The following NCKAP5 variants were observed in gnomAD, a reference collection of about 807,000 sequenced individuals.
The protein encoded by NCKAP5 is nck-associated protein 5.
A neutral mutation model predicts 167.0 loss-of-function variants in NCKAP5; 92 were observed. The observed-to-expected ratio is 0.55, with a 90% CI of 0.47 to 0.66. The LOEUF is 0.66. Among genes scored for constraint, NCKAP5 ranks in the 30% least tolerant of loss-of-function variants. The probability of loss-of-function intolerance (pLI) is 0.00; values close to 1 mark genes in which losing one functional copy is unlikely to be tolerated. For synonymous variants in NCKAP5, 891 were observed against 877.4 expected, an observed-to-expected ratio of 1.02 and a Z score of -0.27; for missense variants, 2,378 against 2,315.0, an observed-to-expected ratio of 1.03 and a Z score of -0.56.
At position 132,783,686 on chromosome 2, in the gene NCKAP5, T is replaced by C. The variant is rs1683270910; in HGVS notation, c.3125A>G (p.Lys1042Arg). The change falls in exon 14 of 20, where the codon AAG (lysine) becomes AGG (arginine). Residue 1042 changes from lysine to arginine, a missense_variant. This residue lies in a region of NCKAP5 where 1,325 missense variants were observed against 1,274.5 expected (regional missense o/e 1.04). Coordinates refer to ENST00000409261, the MANE Select transcript of NCKAP5 (RefSeq NM_207363.3). ...MALGPPKVSP[K>R]RGVPKTSPRQ... ...AGGAGAGGTTTTGGGGACACCTCTC[T>C]TCGGAGAGACCTTTGGAGGCCCCAG... is the stretch of plus-strand genomic sequence containing the variant. 1.9e-6 allele frequency: 3 copies of C among 1,613,678 alleles called. No individual in the cohort carries two copies. Among genetic ancestry groups the C allele is most frequent in the Non-Finnish European group, 1.7e-6 (2 of 1,179,834 alleles).
At chr2:133,386,282 T>G (rs1317776303) in intron 3 of NCKAP5, among the ~76,000 whole-genome samples, 1 of 152,252 alleles carries the variant, frequency 6.6e-6, no homozygotes, top group Non-Finnish European at 1.5e-5. Flanking sequence ...AACATTTTTA[T>G]TTCTGCCTTC....
chr2:133,120,114 G>A (rs1158470720), intron 6 of NCKAP5, among the ~76,000 whole-genome samples: 1 of 152,184 alleles, frequency 6.6e-6, no homozygotes, highest in Non-Finnish European at 1.5e-5. Context: ...CATGCTGTCA[G>A]TTGTTACTCC....
intron 5 of NCKAP5, among the ~76,000 whole-genome samples, chr2:133,184,180 A>T (rs2150047706): frequency 6.6e-6 from 1 of 151,992 alleles, no homozygotes; most frequent in Non-Finnish European, 1.5e-5. Context: ...TCTGTACTCA[A>T]ATTTTAACTC....
intron 8 of NCKAP5, among the ~76,000 whole-genome samples, chr2:132,915,248 C>G (rs1453882991): frequency 6.6e-6 from 1 of 151,910 alleles, no homozygotes; most frequent in East Asian, 1.9e-4. Flanking sequence ...TGAACAGTGG[C>G]ATACTGTGCA....
At chr2:133,161,853 G>T (rs1218318393) in intron 5 of NCKAP5, among the ~76,000 whole-genome samples, 1 of 152,142 alleles carries the variant, frequency 6.6e-6, no homozygotes, top group East Asian at 1.9e-4. Context: ...GCCCAGAACT[G>T]TCCACAAAGA....
At chr2:133,173,770 T>C (rs946160509) in intron 5 of NCKAP5, among the ~76,000 whole-genome samples, 5 of 152,210 alleles carry the variant, frequency 3.3e-5, no homozygotes, top group African/African-American at 1.2e-4. Flanking sequence ...TTTGACAATA[T>C]CCACATATGA....
chr2:133,236,546 C>A (rs1466595404), intron 4 of NCKAP5, among the ~76,000 whole-genome samples: 3 of 152,108 alleles, frequency 2.0e-5, no homozygotes, highest in Non-Finnish European at 2.9e-5. Flanking sequence ...AAATATCAAA[C>A]TGAGATACAG....
intron 16 of NCKAP5, among the ~76,000 whole-genome samples, chr2:132,748,135 A>G (rs1396215840): frequency 6.6e-6 from 1 of 152,204 alleles, no homozygotes; most frequent in Non-Finnish European, 1.5e-5. Context: ...TATCAGTTTT[A>G]TCTTCAAGCT....
At chr2:133,268,312 T>C (rs184386963) in intron 4 of NCKAP5, 20 of 152,324 alleles carry the variant, frequency 1.3e-4, no homozygotes, top group African/African-American at 4.6e-4. Flanking sequence ...TAGGCAACTA[T>C]GGACACTCTA....
intron 9 of NCKAP5, among the ~76,000 whole-genome samples, chr2:132,874,403 C>T (rs981674754): frequency 2.0e-5 from 3 of 152,092 alleles, no homozygotes; most frequent in Admixed American, 6.6e-5. Flanking sequence ...CCACCATGCC[C>T]GGCCAAAACC....
chr2:133,436,460 A>T (rs185300480), intron 3 of NCKAP5, among the ~76,000 whole-genome samples: 43 of 152,290 alleles, frequency 2.8e-4, no homozygotes, highest in African/African-American at 9.9e-4. Flanking sequence ...TTTACAGAAC[A>T]TTCACTTGTC....
chr2:133,188,179 A>C (rs2085037525), intron 5 of NCKAP5, among the ~76,000 whole-genome samples: 1 of 151,972 alleles, frequency 6.6e-6, no homozygotes. Flanking sequence ...GTGGTGACAA[A>C]ATCTCTCAGC....
rs768065461 is a variant in NCKAP5, at chr2:132,783,502, G to C, written c.3309C>G (p.Ser1103=). 6.2e-7 allele frequency: 1 copy of C among 1,609,240 alleles called. No individual in the cohort carries two copies. The highest frequency in any genetic ancestry group is 1.7e-5 in the Admixed American group (1 of 59,426). ...NDSASTPPKP[S]FLGVNESPSS... is the part of the protein sequence containing the mutation. Reference sequence around the variant, plus strand: ...ATGGTGACTCATTTACCCCTAAGAAGGAAGGCTTGGGGGGTGTGGAGGCGC... The same window carrying C: ...ATGGTGACTCATTTACCCCTAAGAACGAAGGCTTGGGGGGTGTGGAGGCGC... Residue 1103 remains serine (S), a synonymous_variant, in exon 14 of 20, where the codon TCC becomes TCG. Coordinates refer to ENST00000409261, the MANE Select transcript of NCKAP5 (RefSeq NM_207363.3).
the NCKAP5 span, among the ~76,000 whole-genome samples, chr2:133,644,671 TTAAG>T: frequency 6.6e-6 from 1 of 152,232 alleles, no homozygotes; most frequent in African/African-American, 2.4e-5. Context: ...TTTGGGTTAT[TTAAG>T]TTTTTATGGA....
intron 6 of NCKAP5, among the ~76,000 whole-genome samples, chr2:133,048,073 A>C (rs1388836299): frequency 6.6e-6 from 1 of 152,310 alleles, no homozygotes; most frequent in Admixed American, 6.5e-5. Flanking sequence ...TGTGGTCTGC[A>C]TACCTTCCAC....
At chr2:133,340,223 T>C (rs1474357396) in intron 3 of NCKAP5, among the ~76,000 whole-genome samples, 2 of 152,168 alleles carry the variant, frequency 1.3e-5, no homozygotes, top group Admixed American at 1.3e-4. Context: ...TGACTAGCAA[T>C]TTTTTTGTAG....
intron 6 of NCKAP5, among the ~76,000 whole-genome samples, chr2:133,024,711 G>A (rs2078636877): frequency 2.0e-5 from 3 of 152,160 alleles, no homozygotes; most frequent in Non-Finnish European, 4.4e-5. Flanking sequence ...GCAAAACTGA[G>A]TAGCTTTCTA....
At chr2:133,351,815 T>G (rs1684383765) in intron 3 of NCKAP5, among the ~76,000 whole-genome samples, 2 of 151,980 alleles carry the variant, frequency 1.3e-5, no homozygotes, top group South Asian at 4.1e-4. Context: ...CAAAATATAT[T>G]CAGTATCCCA....
chr2:132,998,862 G>C (rs562462940), intron 6 of NCKAP5, among the ~76,000 whole-genome samples: 1 of 152,084 alleles, frequency 6.6e-6, no homozygotes, highest in South Asian at 2.1e-4. Flanking sequence ...TGTGTGTTTT[G>C]TTTGTTTGTT....
Sources: gnomAD v4.1 joint callset for allele counts (sites outside exome capture counted in the v4.1 genomes callset) on GRCh38, gnomAD v4.1.1 for gene constraint, gnomAD v4.1.1 regional missense constraint, MANE v1.5 for transcripts, NCBI Gene and HGNC (gene_info 2026-07-23, HGNC 2026-07-21) for gene names.